RSPH9: variants seen among roughly 807,000 people sequenced by gnomAD.
RSPH9 encodes the protein radial spoke head protein 9 homolog.
In RSPH9, 27 loss-of-function variants were observed where a neutral mutation model predicts 27.0. The ratio of observed to expected loss-of-function variants is 1.00; its 90% CI spans 0.74 to 1.38. The LOEUF is 1.38. Among genes scored for constraint, RSPH9 ranks in the 40% most tolerant of loss-of-function variants. The pLI is 0.00. For synonymous variants in RSPH9, 145 were observed against 147.7 expected (o/e 0.98, Z 0.13); for missense variants, 347 against 357.4 (o/e 0.97, Z 0.24).
rs764472437 is a variant in RSPH9 at position 43,655,488 on chromosome 6, C to T, written c.394-74C>T. 1.6e-4 allele frequency: 246 copies of T among 1,566,794 alleles called. 1 individual carries two copies. The highest frequency in any genetic ancestry group is 1.0e-3 in the Admixed American group (61 of 59,922). Reference sequence around the variant, plus strand: ...ACTGCAGTGGTGCGGGTGAGATGGCCGTGCAGAGGGACCTTGCGCCGGGGT... The same window carrying T: ...ACTGCAGTGGTGCGGGTGAGATGGCTGTGCAGAGGGACCTTGCGCCGGGGT... On this transcript the variant is annotated intron_variant, in intron 2 of 4. Transcript: ENST00000372163.
intron 1 of RSPH9, among the ~76,000 whole-genome samples, chr6:43,649,439 A>T (rs961294633): frequency 6.6e-6 from 1 of 151,962 alleles, no homozygotes; most frequent in African/African-American, 2.4e-5. Flanking sequence ...CGGCCTCCAA[A>T]GTACTGGGAG....
intron 1 of RSPH9, among the ~76,000 whole-genome samples, chr6:43,650,125 G>C (rs1376113077): frequency 6.6e-6 from 1 of 152,172 alleles, no homozygotes; most frequent in Non-Finnish European, 1.5e-5. Flanking sequence ...TGTTGGCCAG[G>C]CTGGTCTGAA....
chr6:43,647,513 A>G (rs549869188), intron 1 of RSPH9, among the ~76,000 whole-genome samples: 2 of 152,294 alleles, frequency 1.3e-5, no homozygotes, highest in South Asian at 2.1e-4. Flanking sequence ...TTGTCAGGAC[A>G]TGTAACTCAT....
chr6:43,648,882 G>A (rs1771151883), intron 1 of RSPH9, among the ~76,000 whole-genome samples: 1 of 152,168 alleles, frequency 6.6e-6, no homozygotes, highest in Admixed American at 6.5e-5. Context: ...TTAAGGCCCT[G>A]GAGGAGCGGG....
chr6:43,653,165 C>T (rs1450632917), intron 2 of RSPH9, among the ~76,000 whole-genome samples: 1 of 152,030 alleles, frequency 6.6e-6, no homozygotes, highest in Non-Finnish European at 1.5e-5. Flanking sequence ...AATAAATGAC[C>T]ATATAGCTGG....
rs1245607763 is a variant in RSPH9, at chr6:43,672,351, C to G, written c.*1402C>G. Reference sequence around the variant, plus strand: ...AACCTTCAGGGAACTCCCCAGGGTACTATAACTGGTATAAGACCCCTGCCC... The same window carrying G: ...AACCTTCAGGGAACTCCCCAGGGTAGTATAACTGGTATAAGACCCCTGCCC... On this transcript the variant is annotated 3_prime_UTR_variant, in exon 5 of 5. Coordinates refer to ENST00000372163, the MANE Select transcript of RSPH9 (RefSeq NM_152732.5). 1 of 472,798 alleles carries G rather than the reference C, an allele frequency of 2.1e-6. No homozygotes were observed. The highest frequency in any genetic ancestry group is 2.3e-5 in the Admixed American group (1 of 42,624). 29.3% of individuals were successfully genotyped at this position (472,798 alleles called of 1,614,324 possible). A position where few individuals can be genotyped will look rare whatever the true frequency, so the allele number is the denominator to read the frequency against.
intron 4 of RSPH9, among the ~76,000 whole-genome samples, chr6:43,659,179 C>A (rs1013103957): frequency 1.3e-5 from 2 of 151,620 alleles, no homozygotes; most frequent in African/African-American, 2.4e-5. Context: ...AATTCTAGTT[C>A]TTTTTCTTCT....
chr6:43,663,919 CT>C (rs1772875835), intron 4 of RSPH9, among the ~76,000 whole-genome samples: 1 of 151,530 alleles, frequency 6.6e-6, no homozygotes, highest in South Asian at 2.1e-4. Context: ...GTCCCAGCTA[CT>C]CAGGAGGCTG....
chr6:43,672,270 T>C lies in RSPH9; in HGVS notation c.*1321T>C, dbSNP rs891078191. Reference sequence around the variant, plus strand: ...TCAGCCATGGGGCGAGAAGAGCTGATGTAAGGCTCTGGAGGAACCCATTGC... The same window carrying C: ...TCAGCCATGGGGCGAGAAGAGCTGACGTAAGGCTCTGGAGGAACCCATTGC... On this transcript the variant is annotated 3_prime_UTR_variant, in exon 5 of 5. Coordinates refer to ENST00000372163, the MANE Select transcript of RSPH9 (RefSeq NM_152732.5). 39 of 443,128 alleles carry C rather than the reference T, an allele frequency of 8.8e-5. No individual in the cohort carries two copies. Among genetic ancestry groups the C allele is most frequent in the Non-Finnish European group, 1.0e-4 (22 of 212,720 alleles). 27.4% of individuals were successfully genotyped at this position (443,128 alleles called of 1,614,324 possible). A position where few individuals can be genotyped will look rare whatever the true frequency, so the allele number is the denominator to read the frequency against.
rs1773705463 is a variant in RSPH9, at chr6:43,671,721, C to T, written c.*772C>T. The T allele has an allele frequency of 1.9e-6, 3 of 1,612,778 alleles. No individual in the cohort carries two copies. The highest frequency in any genetic ancestry group is 2.5e-6 in the Non-Finnish European group (3 of 1,179,060). ...GCTTGTGAGTGGGCCTCCTACTCCC[C>T]AGCACAGGTGCAGGAGGAACTCTGG... is the stretch of plus-strand genomic sequence containing the variant. On this transcript the variant is annotated 3_prime_UTR_variant, in exon 5 of 5. Transcript: ENST00000372163.
At chr6:43,652,728 C>A (rs556401023) in intron 2 of RSPH9, among the ~76,000 whole-genome samples, 1 of 126,598 alleles carries the variant, frequency 7.9e-6, no homozygotes, top group Non-Finnish European at 1.6e-5. Context: ...GCCCAACTTC[C>A]GGTTTTTTTT....
chr6:43,658,306 A>AG lies in RSPH9; in HGVS notation c.670+1583_670+1584insG, dbSNP rs1561941349. The stretch of plus-strand genomic sequence containing the variant: ...AACTCCGTCTCAAAAAAAAAAAAAA[A>AG]AAAAGAAAAAAAAAAAAAGAAACGA... On this transcript the variant is annotated intron_variant, in intron 4 of 4. Coordinates refer to ENST00000372163, the MANE Select transcript of RSPH9 (RefSeq NM_152732.5). Among the ~76,000 whole-genome samples, 106 of 149,676 alleles carry AG rather than the reference A, an allele frequency of 7.1e-4. 1 individual carries two copies. The highest frequency in any genetic ancestry group is 3.5e-3 in the Middle Eastern group (1 of 286).
At position 43,672,186 on chromosome 6, in the gene RSPH9, T is replaced by A. The variant is rs1773753114; in HGVS notation, c.*1237T>A. 1 of 525,826 alleles carries A rather than the reference T, an allele frequency of 1.9e-6. No individual in the cohort carries two copies. Among genetic ancestry groups the A allele is most frequent in the Non-Finnish European group, 3.6e-6 (1 of 280,692 alleles). The allele number at this position is 525,826 out of a possible 1,614,324, so 32.6% of individuals were successfully genotyped here. On this transcript the variant is annotated 3_prime_UTR_variant, in exon 5 of 5. Coordinates refer to ENST00000372163, the MANE Select transcript of RSPH9 (RefSeq NM_152732.5). ...TTGTAAATGTCAATGTTGGTGTGTGTTTGCTGAGGAAAAGGTGGCGAAGAG... is the reference window on the plus strand; with the variant it reads ...TTGTAAATGTCAATGTTGGTGTGTGATTGCTGAGGAAAAGGTGGCGAAGAG...
chr6:43,650,330 G>A (rs1771314801), intron 1 of RSPH9, 45 bp from the exon 2 acceptor site: 3 of 1,608,650 alleles, frequency 1.9e-6, no homozygotes, highest in East Asian at 2.2e-5. Flanking sequence ...AATAGTGGGT[G>A]AGAAGGGAGT....
intron 4 of RSPH9, among the ~76,000 whole-genome samples, chr6:43,666,919 T>C (rs1174110351): frequency 6.6e-6 from 1 of 152,174 alleles, no homozygotes; most frequent in African/African-American, 2.4e-5. Context: ...AATTTTTGTA[T>C]TTTTAGCAGA....
intron 4 of RSPH9, among the ~76,000 whole-genome samples, chr6:43,663,309 C>T (rs1173265436): frequency 6.6e-6 from 1 of 152,076 alleles, no homozygotes; most frequent in Non-Finnish European, 1.5e-5. Flanking sequence ...ACCTCCGCCT[C>T]CTGGGTTCAA....
intron 2 of RSPH9, among the ~76,000 whole-genome samples, chr6:43,652,337 G>A (rs1246162242): frequency 2.0e-5 from 3 of 150,572 alleles, no homozygotes; most frequent in South Asian, 2.1e-4. Context: ...ATGGCAGCAT[G>A]TTATACACAT....
At chr6:43,666,270 T>C (rs1232708741) in intron 4 of RSPH9, among the ~76,000 whole-genome samples, 1 of 152,190 alleles carries the variant, frequency 6.6e-6, no homozygotes, top group Non-Finnish European at 1.5e-5. Context: ...TCTGAGCTGC[T>C]TGGAGGCTCC....
chr6:43,661,898 G>A (rs1441982022), intron 4 of RSPH9, among the ~76,000 whole-genome samples: 1 of 151,606 alleles, frequency 6.6e-6, no homozygotes, highest in Non-Finnish European at 1.5e-5. Flanking sequence ...TTGATTGATT[G>A]ACTGACTGAG....
Sources: gnomAD v4.1 joint callset for allele counts (sites outside exome capture counted in the v4.1 genomes callset) on GRCh38, gnomAD v4.1.1 for gene constraint, MANE v1.5 for transcripts, NCBI Gene and HGNC (gene_info 2026-07-23, HGNC 2026-07-21) for gene names.